NTM: variants seen among roughly 807,000 people sequenced by gnomAD.
NTM encodes the protein neurotrimin.
Under a neutral mutation model 42.1 loss-of-function variants are expected in NTM, and 13 were observed. That is an observed-to-expected ratio of 0.31 (90% CI 0.20 to 0.49). The LOEUF (loss-of-function observed/expected upper bound fraction) is 0.49, where lower values mean the gene tolerates loss of function less well. Ranked by LOEUF, NTM falls within the 20% of genes least tolerant of loss-of-function variation. The pLI is 0.99. For synonymous variants in NTM, 187 were observed against 179.2 expected (o/e 1.04, Z -0.35); for missense variants, 373 against 452.8 (o/e 0.82, Z 1.60).
chr11:131,852,937 T>C (rs1466141936), intron 1 of NTM, among the ~76,000 whole-genome samples: 2 of 142,588 alleles, frequency 1.4e-5, no homozygotes, highest in East Asian at 2.4e-4. Context: ...CATCCATCCA[T>C]CCACCCACCC....
At chr11:131,737,776 G>A (rs1236674687) in intron 1 of NTM, among the ~76,000 whole-genome samples, 1 of 151,970 alleles carries the variant, frequency 6.6e-6, no homozygotes, top group Non-Finnish European at 1.5e-5. Flanking sequence ...GCAGGATGGG[G>A]GTGGGTAGAA....
intron 1 of NTM, among the ~76,000 whole-genome samples, chr11:131,705,333 C>T (rs978836178): frequency 6.6e-5 from 10 of 152,028 alleles, no homozygotes; most frequent in Admixed American, 5.9e-4. Context: ...ATTCAAAGTG[C>T]TAAAAGGAAA....
In NTM at chr11:131,916,425, C is replaced by T. The variant is rs188598003; in HGVS notation, c.167+4777C>T. ...AGAGGCTGAACGCTGCATTCCATCG[C>T]GCCTCTAGACCATAGGCTTAGCGAT... On this transcript the variant is annotated intron_variant, in intron 2 of 8. Transcript: ENST00000683400. Among the ~76,000 whole-genome samples, 13 of 152,274 alleles carry T rather than the reference C, an allele frequency of 8.5e-5. No individual in the cohort carries two copies. The East Asian group carries it at 9.7e-4, about 11-fold the overall frequency.
At chr11:131,745,530 C>G (rs60471707) in intron 1 of NTM, among the ~76,000 whole-genome samples, 4,223 of 152,290 alleles carry the variant, frequency 0.028, 200 homozygotes, top group African/African-American at 0.096. Flanking sequence ...CCGCCCTCAT[C>G]TTCCTTGGTT....
chr11:132,235,663 C>T (rs1264167414), intron 4 of NTM, among the ~76,000 whole-genome samples: 5 of 152,112 alleles, frequency 3.3e-5, no homozygotes, highest in African/African-American at 9.7e-5. Flanking sequence ...GCTCAGAGAC[C>T]ACCCTGCCAT....
chr11:132,037,266 C>T (rs1476920755), intron 2 of NTM, among the ~76,000 whole-genome samples: 1 of 152,054 alleles, frequency 6.6e-6, no homozygotes. Context: ...CCTTCTCTCT[C>T]TTGCTTCCTC....
chr11:132,273,884 G>A (rs1418417270), intron 4 of NTM, among the ~76,000 whole-genome samples: 1 of 152,102 alleles, frequency 6.6e-6, no homozygotes, highest in Non-Finnish European at 1.5e-5. Context: ...TCCAGCCTGG[G>A]CAATAAGAGT....
intron 2 of NTM, among the ~76,000 whole-genome samples, chr11:132,135,124 T>A (rs2067643562): frequency 6.6e-6 from 1 of 152,144 alleles, no homozygotes; most frequent in Admixed American, 6.5e-5. Flanking sequence ...CCTGTGTCAG[T>A]GTCCCAGGAG....
At chr11:131,431,520 G>A (rs1443386636) in intron 1 of NTM, among the ~76,000 whole-genome samples, 1 of 152,198 alleles carries the variant, frequency 6.6e-6, no homozygotes, top group Non-Finnish European at 1.5e-5. Flanking sequence ...GGTTAAGAGA[G>A]TAGCCCAGGC....
At chr11:132,029,671 G>A (rs1012311213) in intron 2 of NTM, among the ~76,000 whole-genome samples, 7 of 152,066 alleles carry the variant, frequency 4.6e-5, no homozygotes, top group Non-Finnish European at 7.4e-5. Context: ...AATCATATGG[G>A]CCTTTAGTTG....
At chr11:131,891,596 G>A (rs552127933) in intron 1 of NTM, among the ~76,000 whole-genome samples, 30 of 152,232 alleles carry the variant, frequency 2.0e-4, no homozygotes, top group Admixed American at 1.2e-3. Flanking sequence ...CTGGTTCCCC[G>A]AGGACTCTGC....
chr11:131,846,213 G>A (rs368143341), intron 1 of NTM, among the ~76,000 whole-genome samples: 1 of 152,118 alleles, frequency 6.6e-6, no homozygotes, highest in Non-Finnish European at 1.5e-5. Flanking sequence ...CCAATTTGTT[G>A]TATCCCTATT....
chr11:131,569,564 T>C (rs1338022521), intron 1 of NTM, among the ~76,000 whole-genome samples: 4 of 150,716 alleles, frequency 2.7e-5, no homozygotes, highest in East Asian at 2.0e-4. Context: ...CTTTTCTTTT[T>C]TTCTTCTCTC....
chr11:132,112,547 G>T (rs1182221489), intron 2 of NTM, among the ~76,000 whole-genome samples: 1 of 152,014 alleles, frequency 6.6e-6, no homozygotes, highest in African/African-American at 2.4e-5. Flanking sequence ...CCAGTGGGAG[G>T]GTGTGTACTG....
In NTM at chr11:132,310,145, G is replaced by C. The variant is rs762238465; in HGVS notation, c.695G>C (p.Gly232Ala). 2 of 1,610,230 alleles carry C rather than the reference G, an allele frequency of 1.2e-6. No individual in the cohort carries two copies. The highest frequency in any genetic ancestry group is 1.7e-6 in the Non-Finnish European group (2 of 1,178,544). Residue 232 changes from glycine to alanine, a missense_variant, in exon 6 of 9, where the codon GGT becomes GCT. Physicochemically the swap from Gly to Ala is moderately conservative, Grantham distance 60. Around this residue, in one of 3 missense-constraint regions of NTM, gnomAD observed 312 missense variants for 353.5 expected, o/e 0.88. Transcript: ENST00000683400. Reference protein sequence around the residue: ...PPYISEAKGTGVPVGQKGTLQ... With the variant: ...PPYISEAKGTAVPVGQKGTLQ... ...TACATTTCAGAAGCCAAGGGTACAG[G>C]TGTCCCCGTGGGACAAAAGGGGACA...
At chr11:132,157,496 G>A (rs140612314) in intron 3 of NTM, among the ~76,000 whole-genome samples, 1 of 152,086 alleles carries the variant, frequency 6.6e-6, no homozygotes, top group South Asian at 2.1e-4. Context: ...GGGGCCCTAG[G>A]GTATGGAAGC....
At chr11:131,547,290 A>C (rs1465619639) in intron 1 of NTM, among the ~76,000 whole-genome samples, 2 of 152,236 alleles carry the variant, frequency 1.3e-5, no homozygotes, top group Non-Finnish European at 1.5e-5. Flanking sequence ...ATAGATTAAC[A>C]TTTCCACATC....
At chr11:131,889,332 T>G (rs2050881826) in intron 1 of NTM, among the ~76,000 whole-genome samples, 2 of 152,110 alleles carry the variant, frequency 1.3e-5, no homozygotes, top group Admixed American at 1.3e-4. Context: ...CCTTTTAAGG[T>G]AGGGGACCAG....
intron 1 of NTM, chr11:131,660,394 G>A (rs2067845103): frequency 2.2e-6 from 1 of 448,298 alleles, no homozygotes; most frequent in East Asian, 7.0e-5. Context: ...GTGAGGGTGA[G>A]GGAGGGAGAG....
Sources: gnomAD v4.1 joint callset for allele counts (sites outside exome capture counted in the v4.1 genomes callset) on GRCh38, gnomAD v4.1.1 for gene constraint, gnomAD v4.1.1 regional missense constraint, MANE v1.5 for transcripts, NCBI Gene and HGNC (gene_info 2026-07-23, HGNC 2026-07-21) for gene names.